The following SPMAP2 variants were observed in gnomAD, a reference collection of about 807,000 sequenced individuals.
SPMAP2 encodes the protein sperm microtubule associated protein 2.
the SPMAP2 span, among the ~76,000 whole-genome samples, chr19:365,381 C>T: frequency 6.6e-6 from 1 of 152,222 alleles, no homozygotes; most frequent in African/African-American, 2.4e-5. Context: ...TTGAACTCCT[C>T]TGTGAGAATT....
the SPMAP2 span, chr19:371,328 G>A: frequency 6.9e-7 from 1 of 1,450,114 alleles, no homozygotes; most frequent in Non-Finnish European, 9.1e-7. Flanking sequence ...TCGTCCTGGG[G>A]GAGGTCCCCA....
chr19:367,060 C>G, the SPMAP2 span: 14 of 1,612,806 alleles, frequency 8.7e-6, no homozygotes, highest in Non-Finnish European at 1.2e-5. Context: ...GAGGCACCTA[C>G]TTACTGGCCA....
At chr19:364,361 GA>G in the SPMAP2 span, among the ~76,000 whole-genome samples, 31 of 142,310 alleles carry the variant, frequency 2.2e-4, no homozygotes, top group Admixed American at 2.1e-4. Flanking sequence ...AAAAAAGAAA[GA>G]AAAAAAAAGA....
At chr19:366,840 C>A in the SPMAP2 span, among the ~76,000 whole-genome samples, 7,218 of 152,244 alleles carry the variant, frequency 0.047, 196 homozygotes, top group East Asian at 0.085. Context: ...TAGCGTGGTT[C>A]TCTGGTTCCT....
the SPMAP2 span, among the ~76,000 whole-genome samples, chr19:364,336 C>CAAAAA: frequency 1.6e-4 from 12 of 74,016 alleles, no homozygotes; most frequent in Non-Finnish European, 2.2e-4. Context: ...AGCTCTGTCT[C>CAAAAA]AAAAAAAAAA....
chr19:373,944 A>G, the SPMAP2 span: 96 of 1,613,492 alleles, frequency 5.9e-5, 1 homozygote, highest in East Asian at 2.0e-3. Context: ...ACTTACCAGC[A>G]GAGACAGAAG....
the SPMAP2 span, chr19:373,985 G>GC: frequency 3.1e-6 from 5 of 1,613,676 alleles, no homozygotes; most frequent in Admixed American, 8.3e-5. Context: ...GGAGATCCAG[G>GC]CATACCCCTT....
At chr19:374,282 G>C in the SPMAP2 span, 1 of 1,613,468 alleles carries the variant, frequency 6.2e-7, no homozygotes, top group Non-Finnish European at 8.5e-7. Context: ...CGAGGCCGTG[G>C]TCTGGCGTGT....
the SPMAP2 span, chr19:371,178 G>C: frequency 1.5e-6 from 2 of 1,332,038 alleles, no homozygotes; most frequent in Non-Finnish European, 2.0e-6. Context: ...TGGCGGGGGT[G>C]AGTCGCGGGG....
At chr19:365,928 G>T in the SPMAP2 span, among the ~76,000 whole-genome samples, 4 of 152,134 alleles carry the variant, frequency 2.6e-5, no homozygotes, top group Non-Finnish European at 5.9e-5. Context: ...GGATCATGAG[G>T]TCAGGAGTTC....
the SPMAP2 span, among the ~76,000 whole-genome samples, chr19:368,547 A>C: frequency 6.6e-6 from 1 of 152,056 alleles, no homozygotes. This position sits in a 1 kb window ranked among gnomAD's most constrained non-coding sequence, Gnocchi z 4.1. Context: ...GAGGTGGCCG[A>C]CCCACGCCTA....
chr19:373,313 C>T, the SPMAP2 span, among the ~76,000 whole-genome samples: 5 of 152,222 alleles, frequency 3.3e-5, no homozygotes, highest in Admixed American at 3.3e-4. Flanking sequence ...GGACCAGTCT[C>T]AGCTCTAGCT....
the SPMAP2 span, among the ~76,000 whole-genome samples, chr19:369,365 C>T: frequency 0.01 from 1,573 of 150,622 alleles, 29 homozygotes; most frequent in African/African-American, 0.036. Context: ...TGCAAGACGG[C>T]GGCCAGGATG....
the SPMAP2 span, among the ~76,000 whole-genome samples, chr19:364,051 C>T: frequency 1.3e-5 from 2 of 151,026 alleles, no homozygotes; most frequent in Admixed American, 6.6e-5. Context: ...AAAAATATTT[C>T]GGTTGGGCGC....
chr19:367,306 C>T, the SPMAP2 span: 1 of 1,366,702 alleles, frequency 7.3e-7, no homozygotes, highest in East Asian at 2.5e-5. Flanking sequence ...ACCCCAGGAG[C>T]AACACTGAAA....
At chr19:371,938 A>G in the SPMAP2 span, among the ~76,000 whole-genome samples, 1 of 152,230 alleles carries the variant, frequency 6.6e-6, no homozygotes, top group South Asian at 2.1e-4. Context: ...TCCTGGCTAC[A>G]TCTGGCTGCA....
chr19:367,245 A>C, the SPMAP2 span: 4 of 1,577,624 alleles, frequency 2.5e-6, no homozygotes, highest in Non-Finnish European at 3.4e-6. Context: ...AAATAGAGAG[A>C]AGGGTTACGT....
chr19:365,071 T>C, the SPMAP2 span, among the ~76,000 whole-genome samples: 88 of 152,356 alleles, frequency 5.8e-4, no homozygotes, highest in African/African-American at 2.0e-3. Context: ...GAACCCCACG[T>C]GGCACGTGGC....
the SPMAP2 span, among the ~76,000 whole-genome samples, chr19:370,776 C>T: frequency 1.3e-5 from 2 of 152,198 alleles, no homozygotes; most frequent in African/African-American, 4.8e-5. Flanking sequence ...CCGACGCACG[C>T]GAGAGTCTCA....
Sources: allele counts gnomAD v4.1 joint callset (sites outside exome capture counted in the v4.1 genomes callset), GRCh38; gene constraint gnomAD v4.1.1; non-coding constraint Gnocchi (gnomAD v3.1); transcripts MANE v1.5; gene names NCBI Gene and HGNC (gene_info 2026-07-23, HGNC 2026-07-21).